Variants in COMMD10 observed in about 807,000 individuals in gnomAD.
The protein encoded by COMMD10 is COMM domain-containing protein 10.
A neutral mutation model predicts 28.9 loss-of-function variants in COMMD10; 33 were observed. The ratio of observed to expected loss-of-function variants is 1.14; its 90% CI spans 0.87 to 1.53. The LOEUF is 1.53. COMMD10 is among the 40% of genes most tolerant of loss of function. The pLI is 0.00. For missense variants in COMMD10, 310 were observed against 233.4 expected, an observed-to-expected ratio of 1.33 and a Z score of -2.14; for synonymous variants, 110 against 81.7, an observed-to-expected ratio of 1.35 and a Z score of -1.87.
intron 4 of COMMD10, among the ~76,000 whole-genome samples, chr5:116,117,708 T>C (rs1016311182): frequency 9.2e-5 from 14 of 152,124 alleles, no homozygotes; most frequent in Admixed American, 9.2e-4. Context: ...TTAAGTGATC[T>C]GCCCGCCTTG....
At chr5:116,283,002 T>A (rs1751114723) in intron 5 of COMMD10, among the ~76,000 whole-genome samples, 1 of 151,936 alleles carries the variant, frequency 6.6e-6, no homozygotes. Flanking sequence ...CTAAGCAAGT[T>A]AGATTAGAGA....
intron 5 of COMMD10, among the ~76,000 whole-genome samples, chr5:116,194,774 T>C (rs535581711): frequency 5.3e-5 from 8 of 152,168 alleles, no homozygotes; most frequent in Non-Finnish European, 1.0e-4. Flanking sequence ...TTTGATACTA[T>C]TCCACAAGAT....
intron 5 of COMMD10, among the ~76,000 whole-genome samples, chr5:116,234,423 G>T (rs6594959): frequency 0.15 from 22,606 of 152,028 alleles, 2,154 homozygotes; most frequent in African/African-American, 0.27. Context: ...ATTAGCACAA[G>T]GTCACATGGA....
At chr5:116,277,755 C>G (rs1266739006) in intron 5 of COMMD10, among the ~76,000 whole-genome samples, 1 of 151,886 alleles carries the variant, frequency 6.6e-6, no homozygotes, top group Admixed American at 6.6e-5. Context: ...CATTGGTTCT[C>G]TTTTCCTTGA....
intron 4 of COMMD10, among the ~76,000 whole-genome samples, chr5:116,111,069 G>T (rs1751027157): frequency 6.6e-6 from 1 of 152,142 alleles, no homozygotes; most frequent in Non-Finnish European, 1.5e-5. Flanking sequence ...TGAACATGTA[G>T]TTGTTCATAA....
intron 5 of COMMD10, among the ~76,000 whole-genome samples, chr5:116,250,360 A>C (rs573771726): frequency 6.6e-6 from 1 of 151,828 alleles, no homozygotes; most frequent in South Asian, 2.1e-4. Flanking sequence ...ATTTATATTG[A>C]AATGCTGTGG....
chr5:116,240,001 G>C (rs1442328916), intron 5 of COMMD10, among the ~76,000 whole-genome samples: 1 of 152,094 alleles, frequency 6.6e-6, no homozygotes, highest in African/African-American at 2.4e-5. Flanking sequence ...AAGAGTTGAG[G>C]TGTCATAAGA....
At chr5:116,151,622 T>C (rs1752532416) in intron 5 of COMMD10, among the ~76,000 whole-genome samples, 1 of 152,212 alleles carries the variant, frequency 6.6e-6, no homozygotes, top group African/African-American at 2.4e-5. Flanking sequence ...CCATTTCTTT[T>C]ACATTTTCTA....
At chr5:116,242,478 A>G (rs1214698680) in intron 5 of COMMD10, among the ~76,000 whole-genome samples, 1 of 152,162 alleles carries the variant, frequency 6.6e-6, no homozygotes, top group Non-Finnish European at 1.5e-5. Flanking sequence ...GTTTGACATT[A>G]TTATTATCAT....
chr5:116,290,385 A>G (rs929658631), intron 5 of COMMD10, among the ~76,000 whole-genome samples: 1 of 151,572 alleles, frequency 6.6e-6, no homozygotes, highest in Non-Finnish European at 1.5e-5. Context: ...GTACTTAGAT[A>G]TATGAGAGAA....
chr5:116,171,043 A>G (rs1186941754), intron 5 of COMMD10, among the ~76,000 whole-genome samples: 1 of 152,216 alleles, frequency 6.6e-6, no homozygotes, highest in Non-Finnish European at 1.5e-5. Context: ...ATCAGAGTGA[A>G]AAGACTAGCT....
At chr5:116,244,699 A>G (rs1314061792) in intron 5 of COMMD10, among the ~76,000 whole-genome samples, 1 of 151,036 alleles carries the variant, frequency 6.6e-6, no homozygotes, top group African/African-American at 2.4e-5. Context: ...ATATGATTAC[A>G]TGAAAATTGA....
intron 4 of COMMD10, among the ~76,000 whole-genome samples, chr5:116,126,915 A>G (rs1211966660): frequency 2.0e-5 from 3 of 152,244 alleles, no homozygotes; most frequent in African/African-American, 7.2e-5. Context: ...AAAAGCCAAA[A>G]TTGACTGATG....
chr5:116,277,738 G>T (rs1477152984), intron 5 of COMMD10, among the ~76,000 whole-genome samples: 2 of 151,814 alleles, frequency 1.3e-5, no homozygotes, highest in African/African-American at 4.9e-5. Flanking sequence ...CCTCATTTAG[G>T]TGCACACATT....
chr5:116,126,135 C>G (rs1214034289), intron 4 of COMMD10, among the ~76,000 whole-genome samples: 1 of 151,620 alleles, frequency 6.6e-6, no homozygotes, highest in Admixed American at 6.6e-5. Context: ...ACGCCAATAA[C>G]AAACAGAGAT....
intron 4 of COMMD10, among the ~76,000 whole-genome samples, chr5:116,114,731 G>A (rs1424651372): frequency 6.6e-6 from 1 of 152,180 alleles, no homozygotes; most frequent in African/African-American, 2.4e-5. Context: ...TTCAGCATTG[G>A]CTGGCAAGTG....
At chr5:116,276,677 T>C (rs1306820751) in intron 5 of COMMD10, among the ~76,000 whole-genome samples, 2 of 151,908 alleles carry the variant, frequency 1.3e-5, no homozygotes, top group African/African-American at 4.9e-5. Context: ...ATACAAGCCT[T>C]GCTAAACAGA....
At chr5:116,125,517 A>G (rs1322513076) in intron 4 of COMMD10, among the ~76,000 whole-genome samples, 1 of 152,022 alleles carries the variant, frequency 6.6e-6, no homozygotes, top group East Asian at 1.9e-4. Context: ...TGAATCTGAC[A>G]ATTATGTGAC....
chr5:116,105,308 C>T (rs566853120), intron 4 of COMMD10, among the ~76,000 whole-genome samples: 177 of 152,160 alleles, frequency 1.2e-3, no homozygotes, highest in African/African-American at 4.1e-3. Context: ...GGGATGAAGC[C>T]GACTTGATCA....
Sources: allele counts gnomAD v4.1 joint callset (sites outside exome capture counted in the v4.1 genomes callset), GRCh38; gene constraint gnomAD v4.1.1; transcripts MANE v1.5; gene names NCBI Gene and HGNC (gene_info 2026-07-23, HGNC 2026-07-21).